The following ELP2 variants were observed in gnomAD, a reference collection of about 807,000 sequenced individuals.
ELP2 encodes elongator complex protein 2.
Under a neutral mutation model 119.2 loss-of-function variants are expected in ELP2, and 90 were observed. The observed-to-expected ratio is 0.75, with a 90% CI of 0.64 to 0.90. ELP2 has a LOEUF of 0.90. Among genes scored for constraint, ELP2 ranks in the 40% least tolerant of loss-of-function variants. The pLI is 0.00. For synonymous variants in ELP2, 339 were observed against 331.0 expected (o/e 1.02, Z -0.26); for missense variants, 921 against 967.8 (o/e 0.95, Z 0.64).
chr18:36,142,444 T>C lies in ELP2; in HGVS notation c.655+97T>C, dbSNP rs938436190. On this transcript the variant is annotated intron_variant, in intron 7 of 21. Transcript: ENST00000358232. ...TTTGTTTTAATTTTTAAGTTTTCTT[T>C]GTATGTTATGTTTTTCTATTGTCCC... 3.9e-6 allele frequency: 4 copies of C among 1,022,148 alleles called. No individual in the cohort carries two copies. The Admixed American group carries it at 7.0e-5, about 18-fold the overall frequency. The allele number at this position is 1,022,148 out of a possible 1,614,324, so 63.3% of individuals were successfully genotyped here.
At chr18:36,161,524 T>G (rs72888740) in intron 17 of ELP2, among the ~76,000 whole-genome samples, 1 of 152,212 alleles carries the variant, frequency 6.6e-6, no homozygotes, top group African/African-American at 2.4e-5. Context: ...GAGGACACTC[T>G]TGGCACTGAC....
In ELP2 at chr18:36,172,704, C is replaced by CT. The variant is rs781780142; in HGVS notation, c.2324+1546dup. 4.3e-4 allele frequency among the ~76,000 whole-genome samples: 66 copies of CT among 152,300 alleles called. 1 individual carries two copies. The highest frequency in any genetic ancestry group is 6.8e-3 in the Middle Eastern group (2 of 294). Reference sequence around the variant, plus strand: ...CCACTTTGCCTGCCCACAGTGCTCCCTTCACCTCTAACCTGGTGTGAAGAC... The same window carrying CT: ...CCACTTTGCCTGCCCACAGTGCTCCCTTTCACCTCTAACCTGGTGTGAAGAC... On this transcript the variant is annotated intron_variant, in intron 21 of 21. Transcript: ENST00000358232.
intron 3 of ELP2, 142 bp downstream of exon 3, chr18:36,136,519 AG>A: frequency 1.4e-6 from 1 of 732,900 alleles, no homozygotes; most frequent in South Asian, 1.5e-5. Flanking sequence ...CTGGGACTAC[AG>A]GTGCCTGACA....
At chr18:36,170,460 C>T (rs1288003533) in intron 20 of ELP2, among the ~76,000 whole-genome samples, 1 of 151,932 alleles carries the variant, frequency 6.6e-6, no homozygotes, top group Non-Finnish European at 1.5e-5. Flanking sequence ...TACAGGCATG[C>T]GCCGTCACGC....
At position 36,146,017 on chromosome 18, in the gene ELP2, C is replaced by T; in HGVS notation, c.962C>T (p.Pro321Leu). The change falls in exon 10 of 22, where the codon CCA (proline) becomes CTA (leucine). Residue 321 changes from proline to leucine, a missense_variant. Coordinates refer to ENST00000358232, the MANE Select transcript of ELP2 (RefSeq NM_018255.4). ...GATAAAACCATGATTCTCTGGGCTCCAGATGAAGAGTCAGGAGTTTGGCTA... is the reference window on the plus strand; with the variant it reads ...GATAAAACCATGATTCTCTGGGCTCTAGATGAAGAGTCAGGAGTTTGGCTA... ...SMDKTMILWA[P>L]DEESGVWLEQ... 1.2e-6 allele frequency: 2 copies of T among 1,613,972 alleles called. No individual in the cohort carries two copies. Among genetic ancestry groups the T allele is most frequent in the Non-Finnish European group, 1.7e-6 (2 of 1,179,904 alleles).
rs61459855 is a variant in ELP2 at position 36,168,913 on chromosome 18, C to CTT, written c.2077-1123_2077-1122dup. ...GTCCACTTCACTTCTCTCTCCATTT[C>CTT]TTTTTTTTTTTTTTTTTTTTTTTTT... On this transcript the variant is annotated intron_variant, in intron 19 of 21. Transcript: ENST00000358232. Among the ~76,000 whole-genome samples the CTT allele has an allele frequency of 2.0e-4, 14 of 69,258 alleles. 1 individual carries two copies. Among genetic ancestry groups the CTT allele is most frequent in the African/African-American group, 8.6e-4 (14 of 16,266 alleles). The allele number at this position is 69,258 out of a possible 152,430, so 45.4% of individuals were successfully genotyped here. A position where few individuals can be genotyped will look rare whatever the true frequency, so the allele number is the denominator to read the frequency against.
At chr18:36,145,238 G>A (rs1598762122) in intron 9 of ELP2, 1 of 541,768 alleles carries the variant, frequency 1.8e-6, no homozygotes, top group Non-Finnish European at 3.3e-6. Flanking sequence ...TGGGAAAAGT[G>A]TAATTCCTGC....
Position 36,138,288 on chromosome 18 carries a change from C to T in ELP2, c.307C>T (p.Leu103Phe). 2 of 1,614,120 alleles carry T rather than the reference C, an allele frequency of 1.2e-6. No homozygotes were observed. Among genetic ancestry groups the T allele is most frequent in the Non-Finnish European group, 8.5e-7 (1 of 1,179,986 alleles). ...EDNQLLKAVH[L>F]QGHEGPVYAV... ...GATTCAGCTTTTAAAAGCAGTGCAT[C>T]TTCAAGGCCATGAAGGACCTGTTTA... Residue 103 changes from leucine to phenylalanine, a missense_variant, in exon 4 of 22, where the codon CTT becomes TTT. Coordinates refer to ENST00000358232, the MANE Select transcript of ELP2 (RefSeq NM_018255.4).
Position 36,179,755 on chromosome 18 carries a change from T to A in ELP2, c.*5114T>A, listed in dbSNP as rs776552623. ...TTCCCACTCTCACTTCTGCCCCTGCTACCCTTAGTCTTTGGCTTTTGCTGA... is the reference window on the plus strand; with the variant it reads ...TTCCCACTCTCACTTCTGCCCCTGCAACCCTTAGTCTTTGGCTTTTGCTGA... On this transcript the variant is annotated 3_prime_UTR_variant, in exon 22 of 22. Coordinates refer to ENST00000358232, the MANE Select transcript of ELP2 (RefSeq NM_018255.4). The A allele has an allele frequency of 6.6e-6, 1 of 152,348 alleles. No homozygotes were observed. The highest frequency in any genetic ancestry group is 1.5e-5 in the Non-Finnish European group (1 of 68,114). 9.4% of individuals were successfully genotyped at this position (152,348 alleles called of 1,614,324 possible). A position where few individuals can be genotyped will look rare whatever the true frequency, so the allele number is the denominator to read the frequency against.
chr18:36,146,279 T>G lies in ELP2; in HGVS notation c.1023T>G (p.Thr341=). ...GAGTAGGTGAAGTAGGTGGGAATAC[T>G]TTGGGATTTTATGATTGCCAGTTCA... ...QVRVGEVGGN[T]LGFYDCQFNE... is the part of the protein sequence containing the mutation. The change falls in exon 11 of 22, where the codon ACT becomes ACG. Residue 341 remains threonine (T), a synonymous_variant. Transcript: ENST00000358232. The G allele has an allele frequency of 1.2e-6, 2 of 1,614,140 alleles. No homozygotes were observed. The highest frequency in any genetic ancestry group is 1.7e-6 in the Non-Finnish European group (2 of 1,179,986).
At chr18:36,160,131 T>C (rs2090690690) in intron 16 of ELP2, 116 bp downstream of exon 16, 2 of 898,462 alleles carry the variant, frequency 2.2e-6, no homozygotes, top group South Asian at 2.7e-5. Context: ...TTTTTCCTCC[T>C]CTTCTATATA....
In ELP2 at chr18:36,129,932, A is replaced by T. The variant is rs766867700; in HGVS notation, c.-2A>T. 2 of 1,614,176 alleles carry T rather than the reference A, an allele frequency of 1.2e-6. No individual in the cohort carries two copies. Among genetic ancestry groups the T allele is most frequent in the Non-Finnish European group, 1.7e-6 (2 of 1,180,030 alleles). Reference sequence around the variant, plus strand: ...TGTTTGTGCGGCTGACCAGTTGGCGACATGGTGGCACCCGTGCTGGAGACT... The same window carrying T: ...TGTTTGTGCGGCTGACCAGTTGGCGTCATGGTGGCACCCGTGCTGGAGACT... On this transcript the variant is annotated 5_prime_UTR_variant, in exon 1 of 22. Coordinates refer to ENST00000358232, the MANE Select transcript of ELP2 (RefSeq NM_018255.4).
At chr18:36,161,553 G>T (rs1005686331) in intron 17 of ELP2, among the ~76,000 whole-genome samples, 3 of 152,234 alleles carry the variant, frequency 2.0e-5, no homozygotes, top group Middle Eastern at 3.4e-3. Context: ...GATGACTTTT[G>T]CATTTACCTG....
intron 21 of ELP2, among the ~76,000 whole-genome samples, chr18:36,173,343 C>T (rs1019503475): frequency 4.6e-5 from 7 of 152,116 alleles, no homozygotes; most frequent in Admixed American, 2.0e-4. Flanking sequence ...ATTATAATGC[C>T]TTTTATAATA....
intron 11 of ELP2, among the ~76,000 whole-genome samples, chr18:36,148,792 T>C (rs1211071952): frequency 6.6e-6 from 1 of 152,128 alleles, no homozygotes; most frequent in East Asian, 1.9e-4. Flanking sequence ...AGGAGGATTG[T>C]GTGAGCCTGG....
chr18:36,142,793 T>C, intron 7 of ELP2, 33 bp from the exon 8 acceptor site: 2 of 1,462,796 alleles, frequency 1.4e-6, no homozygotes, highest in Non-Finnish European at 1.9e-6. Flanking sequence ...CAATATAATG[T>C]TTTAAAATTA....
At chr18:36,145,171 A>G (rs918834918) in intron 9 of ELP2, 137 bp downstream of exon 9, 1 of 720,288 alleles carries the variant, frequency 1.4e-6, no homozygotes, top group African/African-American at 1.7e-5. Context: ...GACAAAGTAT[A>G]ATACTGCATT....
rs147329881 is a variant in ELP2, at chr18:36,151,329, C to T, written c.1126-3521C>T. On this transcript the variant is annotated intron_variant, in intron 11 of 21. Transcript: ENST00000358232. ...GACTCCTGGGCTCAAGCAGTCTACC[C>T]GCTTCTGCCTCCCAAAGTGCTGAGA... 2.4e-3 allele frequency among the ~76,000 whole-genome samples: 358 copies of T among 152,060 alleles called. 2 individuals are homozygous for T. Among genetic ancestry groups the T allele is most frequent in the African/African-American group, 8.0e-3 (334 of 41,498 alleles).
chr18:36,180,297 G>A lies in ELP2; in HGVS notation c.*5656G>A, dbSNP rs542352294. On this transcript the variant is annotated 3_prime_UTR_variant, in exon 22 of 22. Transcript: ENST00000358232. ...GCTTAATCTCCTCGGGCAGAATTTA[G>A]TGTTGTGGCCATACCGAGCTTCAGG... 6.6e-6 allele frequency: 1 copy of A among 152,350 alleles called. No individual in the cohort carries two copies. Among genetic ancestry groups the A allele is most frequent in the South Asian group, 2.1e-4 (1 of 4,832 alleles). 9.4% of individuals were successfully genotyped at this position (152,350 alleles called of 1,614,324 possible). A position where few individuals can be genotyped will look rare whatever the true frequency, so the allele number is the denominator to read the frequency against.
Sources: gnomAD v4.1 joint callset for allele counts (sites outside exome capture counted in the v4.1 genomes callset) on GRCh38, gnomAD v4.1.1 for gene constraint, MANE v1.5 for transcripts, NCBI Gene and HGNC (gene_info 2026-07-23, HGNC 2026-07-21) for gene names.